The following ANOS1 variants were observed in gnomAD, a reference collection of about 807,000 sequenced individuals.
ANOS1 encodes the protein anosmin 1.
In ANOS1, 6 loss-of-function variants were observed where a neutral mutation model predicts 59.0. The ratio of observed to expected loss-of-function variants is 0.10; its 90% confidence interval spans 0.06 to 0.20. The LOEUF (loss-of-function observed/expected upper bound fraction) is 0.20, where lower values mean the gene tolerates loss of function less well. Among genes scored for constraint, ANOS1 ranks in the 10% least tolerant of loss-of-function variants. ANOS1 has a pLI of 1.00. For missense variants in ANOS1, 433 were observed against 542.3 expected (o/e 0.80, Z 2.00); for synonymous variants, 217 against 223.4 (o/e 0.97, Z 0.25).
rs557835274 is a variant in ANOS1 at position 8,566,288 on chromosome X, C to A, written c.1207+1944G>T. The stretch of plus-strand genomic sequence containing the variant: ...AATTCAAAATTAGGCACTTTTAAGG[C>A]AGAAACCAAAATACATCATCGTGCT... On this transcript the variant is annotated intron_variant, in intron 8 of 13. Coordinates refer to ENST00000262648, the MANE Select transcript of ANOS1 (RefSeq NM_000216.4). 17 of 738,464 alleles carry A rather than the reference C, an allele frequency of 2.3e-5. No homozygotes were observed. The South Asian group carries it at 1.1e-3, about 49-fold the overall frequency. 60.9% of individuals were successfully genotyped at this position (738,464 alleles called of 1,213,427 possible).
intron 5 of ANOS1, among the ~76,000 whole-genome samples, chrX:8,585,819 T>C (rs977016348): frequency 4.5e-5 from 5 of 112,108 alleles, no homozygotes; most frequent in African/African-American, 1.6e-4. Flanking sequence ...ACAACCCACA[T>C]GCAACCCACT....
At chrX:8,697,964 C>T (rs1408902213) in intron 2 of ANOS1, among the ~76,000 whole-genome samples, 1 of 111,916 alleles carries the variant, frequency 8.9e-6, no homozygotes, top group Non-Finnish European at 1.9e-5. Flanking sequence ...TCATGAATCC[C>T]AAAAGAAATG....
chrX:8,731,928 C>T lies in ANOS1; in HGVS notation c.109G>A (p.Glu37Lys). The change falls in exon 1 of 14, where the codon GAG becomes AAG. Residue 37 changes from glutamate (E) to lysine (K), a missense_variant. Glu to Lys is a moderately conservative substitution (Grantham distance 56, BLOSUM62 1). Coordinates refer to ENST00000262648, the MANE Select transcript of ANOS1 (RefSeq NM_000216.4). ...PGAAAARRLD[E>K]SLSAGSVQRA... ...TGGACGCTCCCGGCAGACAGCGACTCGTCCAGCCGCCGCGCAGCAGCCGCG... is the reference window on the plus strand; with the variant it reads ...TGGACGCTCCCGGCAGACAGCGACTTGTCCAGCCGCCGCGCAGCAGCCGCG... 4 of 1,150,681 alleles carry T rather than the reference C, an allele frequency of 3.5e-6. No individual in the cohort carries two copies. Among genetic ancestry groups the T allele is most frequent in the Non-Finnish European group, 4.6e-6 (4 of 868,128 alleles). 94.8% of individuals were successfully genotyped at this position (1,150,681 alleles called of 1,213,427 possible).
chrX:8,575,948 A>G (rs1204602871), intron 6 of ANOS1, among the ~76,000 whole-genome samples: 1 of 110,844 alleles, frequency 9.0e-6, no homozygotes, highest in Non-Finnish European at 1.9e-5. Flanking sequence ...TACAGAAAAA[A>G]AAATTTTAAA....
intron 3 of ANOS1, 145 bp downstream of exon 3, chrX:8,623,463 T>G: frequency 2.0e-6 from 1 of 510,321 alleles, no homozygotes; most frequent in Admixed American, 3.0e-5. Flanking sequence ...ATTTTTTACA[T>G]GAATTTACGT....
Position 8,587,985 on chromosome X carries a change from C to T in ANOS1, c.542-7G>A. On this transcript the variant is annotated splice_polypyrimidine_tract_variant and splice_region_variant and intron_variant, in intron 4 of 13. Coordinates refer to ENST00000262648, the MANE Select transcript of ANOS1 (RefSeq NM_000216.4). Reference sequence around the variant, plus strand: ...CTGGGCTTCAGGGGGACACCTGAAACAGGACCGTATCAATTAAAACAATCT... The same window carrying T: ...CTGGGCTTCAGGGGGACACCTGAAATAGGACCGTATCAATTAAAACAATCT... 1 of 1,199,194 alleles carries T rather than the reference C, an allele frequency of 8.3e-7. No homozygotes were observed. The highest frequency in any genetic ancestry group is 1.1e-6 in the Non-Finnish European group (1 of 885,357).
intron 5 of ANOS1, among the ~76,000 whole-genome samples, chrX:8,585,688 A>T (rs1474702968): frequency 8.9e-6 from 1 of 112,528 alleles, no homozygotes; most frequent in East Asian, 2.8e-4. Context: ...TATTCAATCA[A>T]TAGAGAATAT....
intron 2 of ANOS1, among the ~76,000 whole-genome samples, chrX:8,655,451 G>A (rs1451454165): frequency 9.0e-6 from 1 of 111,619 alleles, no homozygotes; most frequent in Non-Finnish European, 1.9e-5. Context: ...TGCTCACCCA[G>A]CACTCACCTC....
At chrX:8,701,911 C>T (rs1932758439) in intron 1 of ANOS1, among the ~76,000 whole-genome samples, 1 of 111,559 alleles carries the variant, frequency 9.0e-6, no homozygotes, top group Admixed American at 9.6e-5. Context: ...GATCTCGGTC[C>T]CATATGAATG....
chrX:8,711,386 A>C (rs1319934587), intron 1 of ANOS1, among the ~76,000 whole-genome samples: 1 of 112,878 alleles, frequency 8.9e-6, no homozygotes, highest in Non-Finnish European at 1.9e-5. Flanking sequence ...AACACAAAGA[A>C]TATTTTAATA....
chrX:8,693,043 TC>T (rs2146894475), intron 2 of ANOS1, among the ~76,000 whole-genome samples: 1 of 112,697 alleles, frequency 8.9e-6, no homozygotes, highest in Non-Finnish European at 1.9e-5. Flanking sequence ...ATATTTTGAC[TC>T]TGTGCTATGA....
rs1237472215 is a variant in ANOS1 at position 8,714,979 on chromosome X, T to A, written c.208-15234A>T. Among the ~76,000 whole-genome samples, 5 of 112,127 alleles carry A rather than the reference T, an allele frequency of 4.5e-5. No homozygotes were observed. In the South Asian group the frequency reaches 1.1e-3, roughly 25 times the overall value. The stretch of plus-strand genomic sequence containing the variant: ...AATATAAACTTCAAAAGACAGTGTG[T>A]TTTAATGAGGGATCACTTGAGAAAA... On this transcript the variant is annotated intron_variant, in intron 1 of 13. Coordinates refer to ENST00000262648, the MANE Select transcript of ANOS1 (RefSeq NM_000216.4).
In ANOS1 at chrX:8,529,918, C is replaced by A. The variant is rs1265651292; in HGVS notation, c.*3077G>T. ...CCCCACAACAGAGAACTATCCAGCC[C>A]CAAAAGTCAATAGTGTTGAGGTTGA... On this transcript the variant is annotated 3_prime_UTR_variant, in exon 14 of 14. Transcript: ENST00000262648. 9.0e-6 allele frequency: 1 copy of A among 111,518 alleles called. No homozygotes were observed. The highest frequency in any genetic ancestry group is 1.9e-5 in the Non-Finnish European group (1 of 53,135). 9.2% of individuals were successfully genotyped at this position (111,518 alleles called of 1,213,427 possible).
At chrX:8,663,611 C>T (rs1932077717) in intron 2 of ANOS1, among the ~76,000 whole-genome samples, 1 of 111,672 alleles carries the variant, frequency 9.0e-6, no homozygotes, top group African/African-American at 3.3e-5. Flanking sequence ...CTGCCCAGAA[C>T]AAAGCTTGCT....
chrX:8,551,156 T>G (rs1483494315), intron 9 of ANOS1, among the ~76,000 whole-genome samples: 4 of 111,855 alleles, frequency 3.6e-5, no homozygotes, highest in Non-Finnish European at 7.5e-5. Context: ...CTCTTTTTCC[T>G]TATAAATTAC....
intron 3 of ANOS1, among the ~76,000 whole-genome samples, chrX:8,613,834 C>A (rs752756600): frequency 3.1e-4 from 35 of 111,699 alleles, no homozygotes; most frequent in Non-Finnish European, 6.0e-4. Context: ...CAGGGAGCCC[C>A]AGTATCCAAG....
At chrX:8,629,942 C>T (rs752150025) in intron 2 of ANOS1, among the ~76,000 whole-genome samples, 5 of 112,088 alleles carry the variant, frequency 4.5e-5, no homozygotes, top group East Asian at 2.8e-4. Context: ...TCAATCTGTT[C>T]GAATTAGCAA....
At chrX:8,567,233 C>T (rs761331261) in intron 8 of ANOS1, among the ~76,000 whole-genome samples, 11 of 111,635 alleles carry the variant, frequency 9.9e-5, no homozygotes, top group Non-Finnish European at 1.7e-4. Flanking sequence ...TACTAACATA[C>T]TAGGTAAGAA....
chrX:8,565,881 A>C (rs920272849), intron 8 of ANOS1: 1 of 350,345 alleles, frequency 2.9e-6, no homozygotes, highest in Non-Finnish European at 3.7e-6. Flanking sequence ...TGAATGCAGG[A>C]CTCTGGAGTT....
Sources: gnomAD v4.1 joint callset for allele counts (sites outside exome capture counted in the v4.1 genomes callset) on GRCh38, gnomAD v4.1.1 for gene constraint, MANE v1.5 for transcripts, NCBI Gene and HGNC (gene_info 2026-07-23, HGNC 2026-07-21) for gene names.